The following PAN3 variants were observed in gnomAD, a reference collection of about 807,000 sequenced individuals.
PAN3 encodes poly(A) specific ribonuclease subunit PAN3.
A neutral mutation model predicts 96.2 loss-of-function variants in PAN3; 19 were observed. The observed-to-expected ratio is 0.20, with a 90% CI of 0.14 to 0.29. The LOEUF (loss-of-function observed/expected upper bound fraction) is 0.29, where lower values mean the gene tolerates loss of function less well. PAN3 is among the 10% of genes least tolerant of loss of function. The pLI is 1.00. For missense variants in PAN3, 882 were observed against 1,108.1 expected, an observed-to-expected ratio of 0.80 and a Z score of 2.90; for synonymous variants, 433 against 406.6, an observed-to-expected ratio of 1.06 and a Z score of -0.78.
At chr13:28,263,847 T>G (rs894898606) in intron 9 of PAN3, among the ~76,000 whole-genome samples, 2 of 151,934 alleles carry the variant, frequency 1.3e-5, no homozygotes, top group Non-Finnish European at 2.9e-5. Flanking sequence ...TGATAAAATA[T>G]TTAAAATTTT....
At chr13:28,154,807 GTTTTT>G (rs111375555) in intron 1 of PAN3, among the ~76,000 whole-genome samples, 1 of 137,670 alleles carries the variant, frequency 7.3e-6, no homozygotes, top group Non-Finnish European at 1.6e-5. Flanking sequence ...GACTTTGCAG[GTTTTT>G]TTTTTTTTTT....
At chr13:28,161,036 T>G (rs548740005) in intron 1 of PAN3, among the ~76,000 whole-genome samples, 1 of 152,372 alleles carries the variant, frequency 6.6e-6, no homozygotes, top group East Asian at 1.9e-4. Context: ...TATTTGTTAT[T>G]TTACTAAGCA....
intron 6 of PAN3, among the ~76,000 whole-genome samples, chr13:28,232,172 C>G (rs1451702052): frequency 2.0e-5 from 3 of 152,084 alleles, no homozygotes; most frequent in Admixed American, 2.0e-4. Flanking sequence ...AATTCCTAAT[C>G]CCCCGCAACC....
intron 5 of PAN3, among the ~76,000 whole-genome samples, chr13:28,210,847 T>A (rs1040003353): frequency 1.3e-5 from 2 of 152,162 alleles, no homozygotes; most frequent in South Asian, 4.1e-4. Context: ...TGTTGCTTGT[T>A]AACACTGGAG....
chr13:28,269,271 A>G (rs1489484083), intron 12 of PAN3, among the ~76,000 whole-genome samples: 2 of 152,056 alleles, frequency 1.3e-5, no homozygotes, highest in African/African-American at 4.8e-5. Context: ...TTTTCCAGTA[A>G]TTTTTTAATC....
intron 6 of PAN3, among the ~76,000 whole-genome samples, chr13:28,220,765 A>G (rs899513450): frequency 6.6e-6 from 1 of 152,204 alleles, no homozygotes; most frequent in Non-Finnish European, 1.5e-5. Flanking sequence ...CTTTTACATT[A>G]AATTTCTAAA....
intron 6 of PAN3, among the ~76,000 whole-genome samples, chr13:28,250,621 C>T (rs1884634824): frequency 6.6e-6 from 1 of 152,198 alleles, no homozygotes; most frequent in African/African-American, 2.4e-5. Flanking sequence ...CCCGCCTCGG[C>T]CTCCCAAAGT....
intron 1 of PAN3, among the ~76,000 whole-genome samples, chr13:28,168,576 A>G (rs954694526): frequency 6.6e-6 from 1 of 152,126 alleles, no homozygotes; most frequent in Admixed American, 6.5e-5. Flanking sequence ...AAAATTAGCC[A>G]GGCATGGTGG....
chr13:28,237,825 A>G (rs1043017190), intron 6 of PAN3, among the ~76,000 whole-genome samples: 1 of 152,200 alleles, frequency 6.6e-6, no homozygotes, highest in African/African-American at 2.4e-5. Flanking sequence ...CATTTAAACA[A>G]AGATTATTGC....
intron 2 of PAN3, among the ~76,000 whole-genome samples, chr13:28,174,672 A>G (rs911851805): frequency 5.9e-5 from 9 of 152,152 alleles, no homozygotes; most frequent in Non-Finnish European, 1.0e-4. Context: ...TGTTAGTTAA[A>G]CTTGGTAGTG....
At chr13:28,235,722 C>CACACACACACACAT (rs763204992) in intron 6 of PAN3, among the ~76,000 whole-genome samples, 160 of 149,062 alleles carry the variant, frequency 1.1e-3, no homozygotes, top group African/African-American at 3.7e-3. Context: ...CACACACACA[C>CACACACACACACAT]ATATATATAT....
chr13:28,261,141 C>T (rs1885685818), intron 8 of PAN3, among the ~76,000 whole-genome samples: 1 of 152,132 alleles, frequency 6.6e-6, no homozygotes, highest in Non-Finnish European at 1.5e-5. Flanking sequence ...GCGTTAGTCA[C>T]GTGTTTTGGG....
At chr13:28,162,126 C>A (rs950328912) in intron 1 of PAN3, among the ~76,000 whole-genome samples, 1 of 152,124 alleles carries the variant, frequency 6.6e-6, no homozygotes, top group Admixed American at 6.5e-5. Context: ...AACACAACAA[C>A]CTTGGAAAGT....
At chr13:28,140,441 A>G (rs2137898170) in intron 1 of PAN3, among the ~76,000 whole-genome samples, 1 of 152,344 alleles carries the variant, frequency 6.6e-6, no homozygotes, top group African/African-American at 2.4e-5. Flanking sequence ...CAATTTGTAC[A>G]TGAGAACATT....
rs112983397 is a variant in PAN3, at chr13:28,280,010, G to T, written c.2190-402G>T. On this transcript the variant is annotated intron_variant, in intron 15 of 18. Coordinates refer to ENST00000380958, the MANE Select transcript of PAN3 (RefSeq NM_175854.8). ...GACGGGGTTTCACCGTGTTGGCCAG[G>T]CTGGTCTTAAAGTGATCCACCTGCC... Among the ~76,000 whole-genome samples, 1,366 of 151,938 alleles carry T rather than the reference G, an allele frequency of 9.0e-3. 21 individuals carry two copies. The highest frequency in any genetic ancestry group is 0.031 in the African/African-American group (1,298 of 41,460).
chr13:28,140,285 T>C (rs1869537354), intron 1 of PAN3, among the ~76,000 whole-genome samples: 1 of 152,180 alleles, frequency 6.6e-6, no homozygotes, highest in Admixed American at 6.6e-5. Context: ...CGTAATCTGT[T>C]AGAGAATGTT....
intron 3 of PAN3, among the ~76,000 whole-genome samples, chr13:28,176,830 G>T (rs1875074743): frequency 1.3e-5 from 2 of 150,946 alleles, no homozygotes. Flanking sequence ...AATATAACAA[G>T]ACCATGTCTC....
In PAN3 at chr13:28,223,093, A is replaced by G. The variant is rs756455572; in HGVS notation, c.1000+2715A>G. Among the ~76,000 whole-genome samples the G allele has an allele frequency of 1.5e-3, 231 of 152,230 alleles. 3 individuals are homozygous for G. The highest frequency in any genetic ancestry group is 1.9e-3 in the Non-Finnish European group (132 of 68,028). ...GAACAAAGGCATAATGCCTGGCACA[A>G]AGGAGACCCTGAGTGAATCACATTG... is the stretch of plus-strand genomic sequence containing the variant. On this transcript the variant is annotated intron_variant, in intron 6 of 18. Transcript: ENST00000380958.
intron 6 of PAN3, among the ~76,000 whole-genome samples, chr13:28,221,469 G>T (rs1286879): frequency 0.39 from 59,809 of 151,916 alleles, 13,388 homozygotes; most frequent in African/African-American, 0.62. Flanking sequence ...TAAGTAAATC[G>T]TTGATTTAAA....
Sources: gnomAD v4.1 joint callset for allele counts (sites outside exome capture counted in the v4.1 genomes callset) on GRCh38, gnomAD v4.1.1 for gene constraint, MANE v1.5 for transcripts, NCBI Gene and HGNC (gene_info 2026-07-23, HGNC 2026-07-21) for gene names.